CNTN4: variants seen among roughly 807,000 people sequenced by gnomAD.
The protein encoded by CNTN4 is contactin-4.
Under a neutral mutation model 122.5 loss-of-function variants are expected in CNTN4, and 77 were observed. The observed-to-expected ratio is 0.63, with a 90% confidence interval of 0.52 to 0.76. CNTN4 has a LOEUF of 0.76. CNTN4 is among the 30% of genes least tolerant of loss of function. The pLI is 0.00. For synonymous variants in CNTN4, 512 were observed against 447.0 expected (o/e 1.15, Z -1.83); for missense variants, 1,256 against 1,259.1 (o/e 1.00, Z 0.04).
At chr3:2,339,038 T>G (rs1468388012) in intron 2 of CNTN4, 140 bp from the exon 3 acceptor site, 1 of 152,182 alleles carries the variant, frequency 6.6e-6, no homozygotes, top group Non-Finnish European at 1.5e-5. Flanking sequence ...CTATACCAAA[T>G]GTATTTAATT....
intron 2 of CNTN4, among the ~76,000 whole-genome samples, chr3:2,153,284 A>C (rs937027693): frequency 6.6e-6 from 1 of 152,212 alleles, no homozygotes; most frequent in Admixed American, 6.5e-5. Context: ...AGATTGCATG[A>C]CTACATCATT....
chr3:2,979,609 G>A (rs1693769933), intron 13 of CNTN4, among the ~76,000 whole-genome samples: 1 of 147,958 alleles, frequency 6.8e-6, no homozygotes, highest in Non-Finnish European at 1.5e-5. Flanking sequence ...AAGGCCCTTT[G>A]AGTTTTTTTT....
At position 2,703,914 on chromosome 3, in the gene CNTN4, G is replaced by A. The variant is rs367594664; in HGVS notation, c.56-32301G>A. 3.9e-5 allele frequency among the ~76,000 whole-genome samples: 6 copies of A among 152,196 alleles called. No homozygotes were observed. The East Asian group carries it at 9.7e-4, about 25-fold the overall frequency. ...TAAATATAAAGAAAGCAGGAAAAAGGAAATTTGAGTCTAGAAAATCTCCAT... is the reference window on the plus strand; with the variant it reads ...TAAATATAAAGAAAGCAGGAAAAAGAAAATTTGAGTCTAGAAAATCTCCAT... On this transcript the variant is annotated intron_variant, in intron 4 of 24. Transcript: ENST00000418658.
At chr3:2,740,779 A>C (rs889128215) in intron 5 of CNTN4, among the ~76,000 whole-genome samples, 2 of 152,334 alleles carry the variant, frequency 1.3e-5, no homozygotes, top group South Asian at 2.1e-4. Context: ...GAGATAAGTA[A>C]TTTTCAAATA....
intron 2 of CNTN4, among the ~76,000 whole-genome samples, chr3:2,275,885 A>T (rs1271758456): frequency 6.9e-6 from 1 of 144,606 alleles, no homozygotes; most frequent in East Asian, 2.0e-4. Flanking sequence ...GTGCCACTGC[A>T]CTCCAGTCTA....
At chr3:2,909,717 T>G (rs2094278648) in intron 12 of CNTN4, among the ~76,000 whole-genome samples, 1 of 152,228 alleles carries the variant, frequency 6.6e-6, no homozygotes, top group African/African-American at 2.4e-5. Flanking sequence ...CCTAAAATAT[T>G]GATTATCAGG....
chr3:2,372,631 A>G (rs2045673907), intron 3 of CNTN4, among the ~76,000 whole-genome samples: 2 of 152,212 alleles, frequency 1.3e-5, no homozygotes, highest in African/African-American at 4.8e-5. Context: ...GCTGGCTTTT[A>G]GAGCCTGACA....
intron 3 of CNTN4, among the ~76,000 whole-genome samples, chr3:2,554,773 GC>G (rs572995155): frequency 4.5e-4 from 68 of 152,188 alleles, no homozygotes; most frequent in African/African-American, 1.5e-3. Flanking sequence ...CTGGGATTTG[GC>G]ATTTAGGCCA....
intron 4 of CNTN4, among the ~76,000 whole-genome samples, chr3:2,576,174 C>A (rs535868131): frequency 6.6e-6 from 1 of 152,168 alleles, no homozygotes; most frequent in Non-Finnish European, 1.5e-5. Flanking sequence ...CCCTACTAGA[C>A]TGTAAGGTTT....
chr3:2,973,758 A>T (rs1693158578), intron 13 of CNTN4, among the ~76,000 whole-genome samples: 1 of 151,404 alleles, frequency 6.6e-6, no homozygotes, highest in Non-Finnish European at 1.5e-5. Flanking sequence ...CATTTGAGTA[A>T]ATGGGGTGAT....
At chr3:2,474,542 A>G (rs1482438663) in intron 3 of CNTN4, among the ~76,000 whole-genome samples, 1 of 152,210 alleles carries the variant, frequency 6.6e-6, no homozygotes, top group Non-Finnish European at 1.5e-5. Flanking sequence ...TATGTAAAAT[A>G]TATTTAACCC....
At chr3:2,735,841 G>C in intron 4 of CNTN4, 1 of 404,992 alleles carries the variant, frequency 2.5e-6, no homozygotes, top group South Asian at 1.8e-5. Flanking sequence ...TTAGCTTTAT[G>C]ACACTAGACA....
chr3:2,154,374 T>C (rs2035624966), intron 2 of CNTN4, among the ~76,000 whole-genome samples: 1 of 145,910 alleles, frequency 6.9e-6, no homozygotes, highest in Non-Finnish European at 1.5e-5. Context: ...AAAGTGACAC[T>C]GTCTCAAAAA....
At position 2,310,112 on chromosome 3, in the gene CNTN4, G is replaced by C. The variant is rs529092722; in HGVS notation, c.-144-29066G>C. Among the ~76,000 whole-genome samples, 47 of 143,228 alleles carry C rather than the reference G, an allele frequency of 3.3e-4. 1 individual carries two copies. The South Asian group carries it at 9.9e-3, about 30-fold the overall frequency. The allele number at this position is 143,228 out of a possible 152,430, so 94.0% of individuals were successfully genotyped here. A position where few individuals can be genotyped will look rare whatever the true frequency, so the allele number is the denominator to read the frequency against. On this transcript the variant is annotated intron_variant, in intron 2 of 24. Coordinates refer to ENST00000418658, the MANE Select transcript of CNTN4 (RefSeq NM_175607.3). ...GTAGTTTCTAAGTCTTAGAGCTGTT[G>C]GTACCAGATGGATGGATGGATGAAT... is the stretch of plus-strand genomic sequence containing the variant.
intron 2 of CNTN4, among the ~76,000 whole-genome samples, chr3:2,180,793 A>T (rs1315247803): frequency 6.6e-6 from 1 of 152,136 alleles, no homozygotes; most frequent in Non-Finnish European, 1.5e-5. Context: ...ATGCCTTAGC[A>T]ACCATCTGAT....
intron 4 of CNTN4, among the ~76,000 whole-genome samples, chr3:2,628,693 T>C (rs2082301130): frequency 6.6e-6 from 1 of 152,226 alleles, no homozygotes; most frequent in Admixed American, 6.5e-5. Context: ...CCAAAATCAG[T>C]TGAACATCCT....
intron 4 of CNTN4, among the ~76,000 whole-genome samples, chr3:2,579,486 C>T (rs141062778): frequency 2.0e-5 from 3 of 152,122 alleles, no homozygotes; most frequent in East Asian, 3.9e-4. Flanking sequence ...AGGTCTGCCA[C>T]TTATGAGTTG....
At chr3:2,734,561 G>A (rs565831818) in intron 4 of CNTN4, among the ~76,000 whole-genome samples, 17 of 151,632 alleles carry the variant, frequency 1.1e-4, no homozygotes, top group African/African-American at 3.1e-4. Flanking sequence ...ATCGTGGGCC[G>A]TCCTCAGTCC....
At chr3:2,590,926 A>G (rs1329548370) in intron 4 of CNTN4, among the ~76,000 whole-genome samples, 1 of 152,200 alleles carries the variant, frequency 6.6e-6, no homozygotes, top group African/African-American at 2.4e-5. Context: ...ATAAAAATTA[A>G]GGTATACACT....
Sources: allele counts gnomAD v4.1 joint callset (sites outside exome capture counted in the v4.1 genomes callset), GRCh38; gene constraint gnomAD v4.1.1; transcripts MANE v1.5; gene names NCBI Gene and HGNC (gene_info 2026-07-23, HGNC 2026-07-21).